Variants in HS6ST3 observed in about 807,000 individuals in gnomAD.
The protein encoded by HS6ST3 is heparan-sulfate 6-O-sulfotransferase 3.
Under a neutral mutation model 36.7 loss-of-function variants are expected in HS6ST3, and 12 were observed. The ratio of observed to expected loss-of-function variants is 0.33; its 90% CI spans 0.21 to 0.53. The LOEUF is 0.53. Ranked by LOEUF, HS6ST3 falls within the 20% of genes least tolerant of loss-of-function variation. The pLI is 0.95. For synonymous variants in HS6ST3, 240 were observed against 257.5 expected (o/e 0.93, Z 0.65); for missense variants, 584 against 640.9 (o/e 0.91, Z 0.96).
chr13:96,781,316 G>A (rs963333165), intron 1 of HS6ST3, among the ~76,000 whole-genome samples: 23 of 152,344 alleles, frequency 1.5e-4, no homozygotes, highest in South Asian at 8.3e-4. Flanking sequence ...GCCAGGGCAC[G>A]TAGTTGGGTG....
intron 1 of HS6ST3, among the ~76,000 whole-genome samples, chr13:96,203,122 C>CT (rs1461916515): frequency 5.3e-5 from 8 of 152,222 alleles, no homozygotes; most frequent in Non-Finnish European, 7.3e-5. Context: ...TGACCTCTCA[C>CT]TTTCCATTTT....
chr13:96,385,188 A>G (rs1032750526), intron 1 of HS6ST3, among the ~76,000 whole-genome samples: 3 of 152,006 alleles, frequency 2.0e-5, no homozygotes, highest in Admixed American at 1.3e-4. Flanking sequence ...TCCAAAAAAA[A>G]AAAAAAAGAA....
chr13:96,151,167 G>T lies in HS6ST3; in HGVS notation c.707+59598G>T, dbSNP rs575137283. On this transcript the variant is annotated intron_variant, in intron 1 of 1. Transcript: ENST00000376705. The stretch of plus-strand genomic sequence containing the variant: ...GCCTGTAATGATGGCACTTTGGGAA[G>T]CCAAGGTGGGTAGATCACCTGAGGT... Among the ~76,000 whole-genome samples the T allele has an allele frequency of 8.5e-5, 13 of 152,298 alleles. 1 individual carries two copies. Among genetic ancestry groups the T allele is most frequent in the African/African-American group, 1.9e-4 (8 of 41,574 alleles).
At chr13:96,428,524 C>A (rs1019752138) in intron 1 of HS6ST3, among the ~76,000 whole-genome samples, 1 of 152,106 alleles carries the variant, frequency 6.6e-6, no homozygotes, top group African/African-American at 2.4e-5. Context: ...TATAGTCTTA[C>A]CTTCTGTGTG....
chr13:96,147,699 T>C (rs1203686534), intron 1 of HS6ST3, among the ~76,000 whole-genome samples: 1 of 152,238 alleles, frequency 6.6e-6, no homozygotes, highest in Non-Finnish European at 1.5e-5. Flanking sequence ...TGTCCAGGGC[T>C]GGTTCCCACC....
At chr13:96,734,910 G>C (rs558121292) in intron 1 of HS6ST3, among the ~76,000 whole-genome samples, 8 of 152,054 alleles carry the variant, frequency 5.3e-5, no homozygotes, top group Non-Finnish European at 1.0e-4. Context: ...GGAGTCATGA[G>C]TACCTTTAAG....
At chr13:96,406,831 A>C (rs1344460175) in intron 1 of HS6ST3, among the ~76,000 whole-genome samples, 1 of 152,206 alleles carries the variant, frequency 6.6e-6, no homozygotes, top group African/African-American at 2.4e-5. Context: ...GACACAGTTC[A>C]TATGTGTCAG....
intron 1 of HS6ST3, among the ~76,000 whole-genome samples, chr13:96,326,612 A>G (rs965545527): frequency 5.9e-5 from 9 of 151,986 alleles, no homozygotes; most frequent in Non-Finnish European, 1.3e-4. Flanking sequence ...AGTCTTTGCT[A>G]TTGTGAATAG....
intron 1 of HS6ST3, among the ~76,000 whole-genome samples, chr13:96,603,185 A>C (rs2056427670): frequency 6.6e-6 from 1 of 152,182 alleles, no homozygotes; most frequent in African/African-American, 2.4e-5. Context: ...TATATTAGGA[A>C]AAAGAGCATG....
rs141489497 is a variant in HS6ST3, at chr13:96,463,050, A to C, written c.708-369440A>C. On this transcript the variant is annotated intron_variant, in intron 1 of 1. Coordinates refer to ENST00000376705, the MANE Select transcript of HS6ST3 (RefSeq NM_153456.4). Reference sequence around the variant, plus strand: ...ATATCATGTTCCTAGCTAGGAAGACATTAACTTTTCCCAAGTTGATTTATA... The same window carrying C: ...ATATCATGTTCCTAGCTAGGAAGACCTTAACTTTTCCCAAGTTGATTTATA... 6.6e-5 allele frequency among the ~76,000 whole-genome samples: 10 copies of C among 152,342 alleles called. No individual in the cohort carries two copies. The East Asian group carries it at 1.7e-3, about 26-fold the overall frequency.
chr13:96,439,964 A>T (rs1032119026), intron 1 of HS6ST3, among the ~76,000 whole-genome samples: 1 of 152,234 alleles, frequency 6.6e-6, no homozygotes, highest in Non-Finnish European at 1.5e-5. Flanking sequence ...CTCTCTTCTA[A>T]GTATGGTGAA....
chr13:96,695,568 G>C (rs1875104016), intron 1 of HS6ST3, among the ~76,000 whole-genome samples: 1 of 149,884 alleles, frequency 6.7e-6, no homozygotes. Flanking sequence ...GAGTAGCTGA[G>C]ACTACAGGCA....
intron 1 of HS6ST3, among the ~76,000 whole-genome samples, chr13:96,783,109 C>T (rs1257355000): frequency 1.3e-5 from 2 of 152,166 alleles, no homozygotes; most frequent in African/African-American, 4.8e-5. Context: ...AGGAACCAAG[C>T]ATCTTAGGAA....
intron 1 of HS6ST3, among the ~76,000 whole-genome samples, chr13:96,362,943 T>C (rs1052466603): frequency 6.6e-6 from 1 of 152,214 alleles, no homozygotes; most frequent in Non-Finnish European, 1.5e-5. Flanking sequence ...TGATTCCATT[T>C]ATAAGACATT....
chr13:96,796,030 A>G (rs1377674430), intron 1 of HS6ST3, among the ~76,000 whole-genome samples: 2 of 152,146 alleles, frequency 1.3e-5, no homozygotes, highest in Non-Finnish European at 2.9e-5. Context: ...CCATCATCAT[A>G]GTCCTTGATG....
chr13:96,821,655 C>T (rs1440765937), intron 1 of HS6ST3, among the ~76,000 whole-genome samples: 1 of 152,122 alleles, frequency 6.6e-6, no homozygotes, highest in Non-Finnish European at 1.5e-5. Flanking sequence ...GTTAGCATTC[C>T]TCTTAATCAT....
chr13:96,464,138 CAAAA>C (rs67305199), intron 1 of HS6ST3, among the ~76,000 whole-genome samples: 1 of 38,780 alleles, frequency 2.6e-5, no homozygotes, highest in Non-Finnish European at 5.0e-5. Flanking sequence ...TGTCAGGCCT[CAAAA>C]AAAAAAAAAA....
In HS6ST3 at chr13:96,839,201, CA is replaced by C. The variant is rs1187814658; in HGVS notation, c.*6004del. ...GACATTTATTTGTTAATCATATGATCATTTTTTTTTCACTTTCCTTTTTTTC... is the reference window on the plus strand; with the variant it reads ...GACATTTATTTGTTAATCATATGATCTTTTTTTTTCACTTTCCTTTTTTTC... On this transcript the variant is annotated 3_prime_UTR_variant, in exon 2 of 2. Coordinates refer to ENST00000376705, the MANE Select transcript of HS6ST3 (RefSeq NM_153456.4). The C allele has an allele frequency of 1.4e-4, 22 of 152,186 alleles. No homozygotes were observed. Among genetic ancestry groups the C allele is most frequent in the African/African-American group, 4.8e-4 (20 of 41,518 alleles). The allele number at this position is 152,186 out of a possible 1,614,324, so 9.4% of individuals were successfully genotyped here. A position where few individuals can be genotyped will look rare whatever the true frequency, so the allele number is the denominator to read the frequency against.
chr13:96,390,435 G>C (rs1017602932), intron 1 of HS6ST3, among the ~76,000 whole-genome samples: 2 of 152,184 alleles, frequency 1.3e-5, no homozygotes, highest in Non-Finnish European at 2.9e-5. Context: ...TGAGGATACG[G>C]TGAGAAGAGG....
Sources: gnomAD v4.1 joint callset for allele counts (sites outside exome capture counted in the v4.1 genomes callset) on GRCh38, gnomAD v4.1.1 for gene constraint, MANE v1.5 for transcripts, NCBI Gene and HGNC (gene_info 2026-07-23, HGNC 2026-07-21) for gene names.